IRF2BPL: variants seen among roughly 807,000 people sequenced by gnomAD.
IRF2BPL encodes the protein probable E3 ubiquitin-protein ligase IRF2BPL.
In IRF2BPL, 13 loss-of-function variants were observed where a neutral mutation model predicts 51.2. The observed-to-expected ratio is 0.25, with a 90% CI of 0.17 to 0.40. The LOEUF is 0.40. Among genes scored for constraint, IRF2BPL ranks in the 10% least tolerant of loss-of-function variants. The pLI, the probability that IRF2BPL is intolerant of heterozygous loss-of-function variation, is 1.00. For missense variants in IRF2BPL, 1,210 were observed against 1,111.8 expected, an observed-to-expected ratio of 1.09 and a Z score of -1.26; for synonymous variants, 768 against 509.2, an observed-to-expected ratio of 1.51 and a Z score of -6.84.
Position 77,026,140 on chromosome 14 carries a change from C to T in IRF2BPL, c.1653G>A (p.Pro551=), listed in dbSNP as rs1488114431. 4 of 1,546,874 alleles carry T rather than the reference C, an allele frequency of 2.6e-6. No homozygotes were observed. The highest frequency in any genetic ancestry group is 2.4e-5 in the East Asian group (1 of 41,614). ...GCTTCAGCGCGCCCTCGGCTGAGTC[C>T]GGGGGCTCCGGAGAGGCCTTTCTCT... ...LRKRKASPEP[P]DSAEGALKLG... The change falls in exon 1 of 1, where the codon CCG becomes CCA. Residue 551 remains proline (P), a synonymous_variant. Transcript: ENST00000238647.
rs1566786275 is a variant in IRF2BPL, at chr14:77,026,898, G to A, written c.895C>T (p.Leu299Phe). The A allele has an allele frequency of 2.0e-6, 3 of 1,520,408 alleles. No homozygotes were observed. The highest frequency in any genetic ancestry group is 2.5e-5 in the South Asian group (2 of 80,370). 94.2% of individuals were successfully genotyped at this position (1,520,408 alleles called of 1,614,324 possible). The change falls in exon 1 of 1, where the codon CTC becomes TTC. Residue 299 changes from leucine to phenylalanine, a missense_variant. Transcript: ENST00000238647. The stretch of plus-strand genomic sequence containing the variant: ...GCCGATACACCCGGGGTACCCCCGA[G>A]ACAAGCGGGGCCCCCAGGAGCCCCT... The part of the protein sequence containing the change: ...PPGAPGGPAC[L>F]GGTPGVSATS...
rs1885203443 is a variant in IRF2BPL at position 77,027,824 on chromosome 14, C to T, written c.-32G>A. ...TGCCCTGGGGAAGGTAGGCCCCCGC[C>T]CGGGCTGTCTCCGCGGCGCCTTCTC... On this transcript the variant is annotated 5_prime_UTR_variant, in exon 1 of 1. Transcript: ENST00000238647. The T allele has an allele frequency of 6.8e-7, 1 of 1,480,714 alleles. No individual in the cohort carries two copies. Among genetic ancestry groups the T allele is most frequent in the Non-Finnish European group, 9.0e-7 (1 of 1,108,846 alleles). 91.7% of individuals were successfully genotyped at this position (1,480,714 alleles called of 1,614,324 possible).
Position 77,027,412 on chromosome 14 carries a change from CTGTTGT to C in IRF2BPL, c.375_380del (p.Gln126_Gln127del), listed in dbSNP as rs749893268. On this transcript the variant is annotated inframe_deletion, in exon 1 of 1. Coordinates refer to ENST00000238647, the MANE Select transcript of IRF2BPL (RefSeq NM_024496.4). Reference sequence around the variant, plus strand: ...TGCTGGAACCATCAACGTGGTTGAGCTGTTGTTGCTGCTGCTGCTGCTGCTGCTGCT... The same window carrying C: ...TGCTGGAACCATCAACGTGGTTGAGCTGCTGCTGCTGCTGCTGCTGCTGCT... 23 of 1,456,454 alleles carry C rather than the reference CTGTTGT, an allele frequency of 1.6e-5. No homozygotes were observed. The African/African-American group carries it at 4.1e-4, about 26-fold the overall frequency. The allele number at this position is 1,456,454 out of a possible 1,614,324, so 90.2% of individuals were successfully genotyped here.
chr14:77,026,630 T>A lies in IRF2BPL; in HGVS notation c.1163A>T (p.Tyr388Phe). ...GTGGTCCTTCTTGAAGCGAACCTCGTAGGGCGTGCAGCCTGCCAGCGTGAG... is the reference window on the plus strand; with the variant it reads ...GTGGTCCTTCTTGAAGCGAACCTCGAAGGGCGTGCAGCCTGCCAGCGTGAG... ...TLLTLAGCTP[Y>F]EVRFKKDHSL... The change falls in exon 1 of 1, where the codon TAC becomes TTC. Residue 388 changes from tyrosine to phenylalanine, a missense_variant. By Grantham distance (22) the Tyr-to-Phe change is conservative. Coordinates refer to ENST00000238647, the MANE Select transcript of IRF2BPL (RefSeq NM_024496.4). The A allele has an allele frequency of 6.2e-7, 1 of 1,613,742 alleles. No individual in the cohort carries two copies. Among genetic ancestry groups the A allele is most frequent in the Non-Finnish European group, 8.5e-7 (1 of 1,179,986 alleles).
chr14:77,027,436 C>T lies in IRF2BPL; in HGVS notation c.357G>A (p.Gln119=), dbSNP rs970126767. The change falls in exon 1 of 1, where the codon CAG becomes CAA. Residue 119 remains glutamine, a synonymous_variant. Transcript: ENST00000238647. ...QQQQQQQQQQ[Q]QQQQQQQQLN... is the part of the protein sequence containing the mutation. ...GCTGTTGTTGCTGCTGCTGCTGCTGCTGCTGCTGCTGCTGTTGCTGCTGCT... is the reference window on the plus strand; with the variant it reads ...GCTGTTGTTGCTGCTGCTGCTGCTGTTGCTGCTGCTGCTGTTGCTGCTGCT... The T allele has an allele frequency of 6.1e-5, 86 of 1,412,752 alleles. No individual in the cohort carries two copies. Among genetic ancestry groups the T allele is most frequent in the South Asian group, 1.5e-4 (11 of 74,502 alleles). 87.5% of individuals were successfully genotyped at this position (1,412,752 alleles called of 1,614,324 possible).
Position 77,026,846 on chromosome 14 carries a change from G to T in IRF2BPL, c.947C>A (p.Thr316Asn). ...GCCCACCTCTGCCACCGACGAAGAG[G>T]TCGAAGACGACGCGGAGGACGACGT... is the stretch of plus-strand genomic sequence containing the variant. Reference protein sequence around the residue: ...SATSSSASSSTSSSVAEVGVG... With the variant: ...SATSSSASSSNSSSVAEVGVG... Residue 316 changes from threonine to asparagine, a missense_variant, in exon 1 of 1, where the codon ACC becomes AAC. Coordinates refer to ENST00000238647, the MANE Select transcript of IRF2BPL (RefSeq NM_024496.4). The T allele has an allele frequency of 1.2e-6, 2 of 1,608,416 alleles. No individual in the cohort carries two copies. Among genetic ancestry groups the T allele is most frequent in the Non-Finnish European group, 8.5e-7 (1 of 1,177,786 alleles).
chr14:77,026,332 C>T lies in IRF2BPL; in HGVS notation c.1461G>A (p.Glu487=), dbSNP rs1885120581. Residue 487 remains glutamate, a synonymous_variant, in exon 1 of 1, where the codon GAG becomes GAA. Transcript: ENST00000238647. ...LLPEAVRFFK[E]GVPGADMLPQ... is the part of the protein sequence containing the mutation. Reference sequence around the variant, plus strand: ...GCAGCATGTCGGCGCCGGGCACGCCCTCCTTGAAGAAGCGCACGGCTTCGG... The same window carrying T: ...GCAGCATGTCGGCGCCGGGCACGCCTTCCTTGAAGAAGCGCACGGCTTCGG... 1.3e-6 allele frequency: 2 copies of T among 1,591,280 alleles called. No homozygotes were observed. The highest frequency in any genetic ancestry group is 8.5e-7 in the Non-Finnish European group (1 of 1,170,128).
Position 77,027,584 on chromosome 14 carries a change from G to T in IRF2BPL, c.209C>A (p.Pro70His), listed in dbSNP as rs763458415. ...AHGCFQDGRSPGPPPPVGVKT... is the reference protein window; with the variant it reads ...AHGCFQDGRSHGPPPPVGVKT... ...GACCCCGACGGGCGGCGGCGGCCCGGGGGAGCGGCCGTCCTGGAAGCAGCC... is the reference window on the plus strand; with the variant it reads ...GACCCCGACGGGCGGCGGCGGCCCGTGGGAGCGGCCGTCCTGGAAGCAGCC... The change falls in exon 1 of 1, where the codon CCC becomes CAC. Residue 70 changes from proline (P) to histidine (H), a missense_variant. Coordinates refer to ENST00000238647, the MANE Select transcript of IRF2BPL (RefSeq NM_024496.4). 6.4e-7 allele frequency: 1 copy of T among 1,566,676 alleles called. No individual in the cohort carries two copies. Among genetic ancestry groups the T allele is most frequent in the Non-Finnish European group, 8.6e-7 (1 of 1,157,982 alleles).
chr14:77,026,278 G>C lies in IRF2BPL; in HGVS notation c.1515C>G (p.Pro505=). Residue 505 remains proline (P), a synonymous_variant, in exon 1 of 1, where the codon CCC becomes CCG. Transcript: ENST00000238647. ...LPQPYLDASC[P]MLPTALVSLS... ...GACTCACCAGAGCAGTGGGCAGCAT[G>C]GGACAGCTGGCGTCCAGGTAGGGCT... 1 of 1,508,428 alleles carries C rather than the reference G, an allele frequency of 6.6e-7. No homozygotes were observed. Among genetic ancestry groups the C allele is most frequent in the South Asian group, 1.3e-5 (1 of 75,690 alleles). The allele number at this position is 1,508,428 out of a possible 1,614,324, so 93.4% of individuals were successfully genotyped here.
Position 77,026,010 on chromosome 14 carries a change from CCCCCGCCGCGTG to C in IRF2BPL, c.1771_1782del (p.His591_Gly594del). ...AGAGGTGGGGGCGGCGGAGGCGGAC[CCCCCGCCGCGTG>C]CCCCGGCGCCGCGAAGCCCCCGGCG... On this transcript the variant is annotated inframe_deletion, in exon 1 of 1. Transcript: ENST00000238647. 2 of 1,564,998 alleles carry C rather than the reference CCCCCGCCGCGTG, an allele frequency of 1.3e-6. No homozygotes were observed. Among genetic ancestry groups the C allele is most frequent in the Non-Finnish European group, 8.6e-7 (1 of 1,156,726 alleles).
chr14:77,024,709 C>G lies in IRF2BPL; in HGVS notation c.*693G>C, dbSNP rs922821524. On this transcript the variant is annotated 3_prime_UTR_variant, in exon 1 of 1. Coordinates refer to ENST00000238647, the MANE Select transcript of IRF2BPL (RefSeq NM_024496.4). ...CATCAATAAAGCAAAAACAAAACAACACGTGTAGATCCAACACATTCAGGT... is the reference window on the plus strand; with the variant it reads ...CATCAATAAAGCAAAAACAAAACAAGACGTGTAGATCCAACACATTCAGGT... The G allele has an allele frequency of 6.6e-6, 1 of 152,498 alleles. No individual in the cohort carries two copies. The highest frequency in any genetic ancestry group is 2.4e-5 in the African/African-American group (1 of 41,394). 9.4% of individuals were successfully genotyped at this position (152,498 alleles called of 1,614,324 possible). A position where few individuals can be genotyped will look rare whatever the true frequency, so the allele number is the denominator to read the frequency against.
In IRF2BPL at chr14:77,025,639, G is replaced by A. The variant is rs576376923; in HGVS notation, c.2154C>T (p.Cys718=). 2.1e-4 allele frequency: 335 copies of A among 1,572,682 alleles called. 4 individuals are homozygous for A. In the South Asian group the frequency reaches 3.5e-3, roughly 17 times the overall value. The change falls in exon 1 of 1, where the codon TGC becomes TGT. Residue 718 remains cysteine, a synonymous_variant. Transcript: ENST00000238647. The stretch of plus-strand genomic sequence containing the variant: ...AATGCGTATCCTCCAAACGTTCGTG[G>A]CAAATGGTGCAGCAGAGGGGTCCGC... The part of the protein sequence containing the change: ...ANSGPLCCTI[C]HERLEDTHFV...
Position 77,025,133 on chromosome 14 carries a change from A to G in IRF2BPL, c.*269T>C. On this transcript the variant is annotated 3_prime_UTR_variant, in exon 1 of 1. Coordinates refer to ENST00000238647, the MANE Select transcript of IRF2BPL (RefSeq NM_024496.4). ...TTCTGCCACCAAATAAATGCTAACG[A>G]TATGATGCAAATGACCCAACCAATA... 1 of 297,890 alleles carries G rather than the reference A, an allele frequency of 3.4e-6. No individual in the cohort carries two copies. Among genetic ancestry groups the G allele is most frequent in the Admixed American group, 4.9e-5 (1 of 20,578 alleles). 18.5% of individuals were successfully genotyped at this position (297,890 alleles called of 1,614,324 possible).
chr14:77,028,677 C>A lies in IRF2BPL; in HGVS notation c.-885G>T, dbSNP rs1308213385. On this transcript the variant is annotated 5_prime_UTR_variant, in exon 1 of 1. Coordinates refer to ENST00000238647, the MANE Select transcript of IRF2BPL (RefSeq NM_024496.4). ...TACGTTCCGGAGGCGCGTCTCGGCG[C>A]TCCTGCTCCGGCTGCGGCTCGCGCT... 4 of 375,152 alleles carry A rather than the reference C, an allele frequency of 1.1e-5. No individual in the cohort carries two copies. The highest frequency in any genetic ancestry group is 1.4e-5 in the Non-Finnish European group (3 of 210,718). The allele number at this position is 375,152 out of a possible 1,614,324, so 23.2% of individuals were successfully genotyped here.
At position 77,026,740 on chromosome 14, in the gene IRF2BPL, G is replaced by C; in HGVS notation, c.1053C>G (p.Ala351=). ...ERELKEKQRN[A]EALAELSESL... ...TCTCGCTCAGCTCGGCCAGGGCCTC[G>C]GCGTTGCGCTGCTTCTCCTTCAACT... Residue 351 remains alanine (A), a synonymous_variant, in exon 1 of 1, where the codon GCC becomes GCG. Coordinates refer to ENST00000238647, the MANE Select transcript of IRF2BPL (RefSeq NM_024496.4). 2 of 1,612,428 alleles carry C rather than the reference G, an allele frequency of 1.2e-6. No homozygotes were observed. Among genetic ancestry groups the C allele is most frequent in the Middle Eastern group, 1.6e-4 (1 of 6,062 alleles).
rs1174670685 is a variant in IRF2BPL, at chr14:77,025,437, C to T, written c.2356G>A (p.Gly786Arg). ...MQGEIATILA[G>R]DVKVKKERDP ...CTCTCCTTTTTCACTTTAACATCCC[C>T]AGCTAAGATAGTCGCGATTTCGCCC... The change falls in exon 1 of 1, where the codon GGG becomes AGG. Residue 786 changes from glycine (G) to arginine (R), a missense_variant. By Grantham distance (125) the Gly-to-Arg change is moderately radical (BLOSUM62 -2). Coordinates refer to ENST00000238647, the MANE Select transcript of IRF2BPL (RefSeq NM_024496.4). 4 of 1,585,120 alleles carry T rather than the reference C, an allele frequency of 2.5e-6. No individual in the cohort carries two copies. Among genetic ancestry groups the T allele is most frequent in the Non-Finnish European group, 3.4e-6 (4 of 1,165,128 alleles).
rs749952395 is a variant in IRF2BPL, at chr14:77,026,374, C to T, written c.1419G>A (p.Leu473=). The T allele has an allele frequency of 6.2e-7, 1 of 1,612,282 alleles. No individual in the cohort carries two copies. Among genetic ancestry groups the T allele is most frequent in the South Asian group, 1.1e-5 (1 of 90,954 alleles). Residue 473 remains leucine, a synonymous_variant, in exon 1 of 1, where the codon CTG becomes CTA. Coordinates refer to ENST00000238647, the MANE Select transcript of IRF2BPL (RefSeq NM_024496.4). ...CGGCTTCGGGGAGCAGGTCTCCAAG[C>T]AGGCGCCAGTCCCCGGAGCCGTGCT... The part of the protein sequence containing the change: ...EKKHGSGDWR[L]LGDLLPEAVR...
Position 77,026,696 on chromosome 14 carries a change from T to C in IRF2BPL, c.1097A>G (p.Glu366Gly). Residue 366 changes from glutamate (E) to glycine (G), a missense_variant, in exon 1 of 1, where the codon GAG (glutamate) becomes GGG (glycine). Coordinates refer to ENST00000238647, the MANE Select transcript of IRF2BPL (RefSeq NM_024496.4). ...CATCTTGGGCTTGCTGGCCCACTCC[T>C]CGGCGCGGTTGCGCAGGCTCTCGCT... ...ELSESLRNRAEEWASKPKMVR... is the reference protein window; with the variant it reads ...ELSESLRNRAGEWASKPKMVR... 1 of 1,612,698 alleles carries C rather than the reference T, an allele frequency of 6.2e-7. No individual in the cohort carries two copies. The highest frequency in any genetic ancestry group is 8.5e-7 in the Non-Finnish European group (1 of 1,179,622).
At position 77,026,974 on chromosome 14, in the gene IRF2BPL, TG is replaced by T. The variant is rs1331422798; in HGVS notation, c.818del (p.Pro273HisfsTer72). On this transcript the variant is annotated frameshift_variant, in exon 1 of 1. Coordinates refer to ENST00000238647, the MANE Select transcript of IRF2BPL (RefSeq NM_024496.4). LOFTEE classifies it high-confidence loss of function. The part of the protein sequence containing the change: ...NGPASAAVLP[P>X]PPPHALGSRG... Reference sequence around the variant, plus strand: ...GGCTGCCCAGGGCGTGGGGAGGGGGTGGGGGGAGTACCGCAGCGCTGGCCGG... The same window carrying T: ...GGCTGCCCAGGGCGTGGGGAGGGGGTGGGGGAGTACCGCAGCGCTGGCCGG... 1.4e-6 allele frequency: 2 copies of T among 1,450,508 alleles called. No homozygotes were observed. Among genetic ancestry groups the T allele is most frequent in the Non-Finnish European group, 9.1e-7 (1 of 1,101,224 alleles). 89.9% of individuals were successfully genotyped at this position (1,450,508 alleles called of 1,614,324 possible). A position where few individuals can be genotyped will look rare whatever the true frequency, so the allele number is the denominator to read the frequency against.
Sources: allele counts gnomAD v4.1 joint callset, GRCh38; gene constraint gnomAD v4.1.1; transcripts MANE v1.5; gene names NCBI Gene and HGNC (gene_info 2026-07-23, HGNC 2026-07-21).